ANKRD54: variants seen among roughly 807,000 people sequenced by gnomAD.
ANKRD54 encodes ankyrin repeat domain 54, also known as ankyrin repeat domain-containing protein 54.
A neutral mutation model predicts 36.2 loss-of-function variants in ANKRD54; 26 were observed. That is an observed-to-expected ratio of 0.72 (90% CI 0.53 to 1.00). ANKRD54 has a LOEUF of 1.00. ANKRD54 is among the 50% of genes least tolerant of loss of function. The pLI is 0.00. For missense variants in ANKRD54, 384 were observed against 424.3 expected (o/e 0.91, Z 0.83); for synonymous variants, 209 against 188.4 (o/e 1.11, Z -0.89).
At position 37,843,977 on chromosome 22, in the gene ANKRD54, C is replaced by T. The variant is rs868481555; in HGVS notation, c.262G>A (p.Ala88Thr). Residue 88 changes from alanine (A) to threonine (T), a missense_variant, in exon 1 of 8, where the codon GCT becomes ACT. Physicochemically the swap from Ala to Thr is moderately conservative, Grantham distance 58 (BLOSUM62 0). Around this residue, in one of 3 missense-constraint regions of ANKRD54, gnomAD observed 195 missense variants for 177.7 expected, o/e 1.10. Transcript: ENST00000215941. ...PRDELRCKIP[A>T]GRLRRAARPH... Reference sequence around the variant, plus strand: ...CTGGCAGCGCGCCTCAGCCGGCCAGCGGGTATCTTGCAGCGCAGCTCGTCG... The same window carrying T: ...CTGGCAGCGCGCCTCAGCCGGCCAGTGGGTATCTTGCAGCGCAGCTCGTCG... 4 of 1,417,842 alleles carry T rather than the reference C, an allele frequency of 2.8e-6. No individual in the cohort carries two copies. In the African/African-American group the frequency reaches 4.5e-5, roughly 16 times the overall value. 87.8% of individuals were successfully genotyped at this position (1,417,842 alleles called of 1,614,324 possible).
Position 37,833,066 on chromosome 22 carries a change from G to A in ANKRD54, c.612C>T (p.Ala204=). 6.2e-7 allele frequency: 1 copy of A among 1,614,082 alleles called. No individual in the cohort carries two copies. The highest frequency in any genetic ancestry group is 1.1e-5 in the South Asian group (1 of 91,074). Reference sequence around the variant, plus strand: ...GGGGTGTGCGACCAGCTCGGTCCAGGGCATCTACACGGGCCCCTGCAGGTA... The same window carrying A: ...GGGGTGTGCGACCAGCTCGGTCCAGAGCATCTACACGGGCCCCTGCAGGTA... ...TLLRGGARVD[A]LDRAGRTPLH... is the part of the protein sequence containing the mutation. The change falls in exon 6 of 8, where the codon GCC becomes GCT. Residue 204 remains alanine, a synonymous_variant. Coordinates refer to ENST00000215941, the MANE Select transcript of ANKRD54 (RefSeq NM_138797.4).
At chr22:37,832,573 G>A in intron 7 of ANKRD54, 64 bp downstream of exon 7, 2 of 1,469,254 alleles carry the variant, frequency 1.4e-6, no homozygotes, top group South Asian at 1.1e-5. Context: ...TGGCATCGGA[G>A]CAGGGTGGAC....
In ANKRD54 at chr22:37,837,771, G is replaced by A. The variant is rs148198311; in HGVS notation, c.475+729C>T. Among the ~76,000 whole-genome samples the A allele has an allele frequency of 4.7e-4, 71 of 152,256 alleles. No individual in the cohort carries two copies. The East Asian group carries it at 0.012, about 26-fold the overall frequency. The stretch of plus-strand genomic sequence containing the variant: ...TGGGAGGCCAAGGCAGGTGGATCAC[G>A]AGGTCAGGAGTTCAAGACCAGCCTG... On this transcript the variant is annotated intron_variant, in intron 3 of 7. Transcript: ENST00000215941.
chr22:37,839,418 C>T (rs1056089506), intron 2 of ANKRD54, among the ~76,000 whole-genome samples: 1 of 152,108 alleles, frequency 6.6e-6, no homozygotes, highest in African/African-American at 2.4e-5. Context: ...GACAGAATTT[C>T]GCTCTGTCGC....
chr22:37,838,368 C>G, intron 3 of ANKRD54, 132 bp downstream of exon 3: 1 of 842,536 alleles, frequency 1.2e-6, no homozygotes, highest in South Asian at 1.8e-5. Context: ...CAGGGCACTG[C>G]AGTGCCAAGT....
chr22:37,845,764 G>A (rs1211301501), upstream of ANKRD54, among the ~76,000 whole-genome samples: 1 of 152,206 alleles, frequency 6.6e-6, no homozygotes, highest in Non-Finnish European at 1.5e-5. Flanking sequence ...AGCTATTCAG[G>A]ACACTGAGGC....
intron 3 of ANKRD54, among the ~76,000 whole-genome samples, chr22:37,837,158 GGCAGGGAC>G (rs1056699724): frequency 6.6e-6 from 1 of 152,138 alleles, no homozygotes; most frequent in African/African-American, 2.4e-5. Flanking sequence ...AGCAAGCACT[GGCAGGGAC>G]GTAGGGAAAG....
At chr22:37,836,691 C>T (rs562942459) in intron 3 of ANKRD54, among the ~76,000 whole-genome samples, 1 of 151,324 alleles carries the variant, frequency 6.6e-6, no homozygotes, top group South Asian at 2.1e-4. Context: ...ACCTATGTAA[C>T]GAACCTGCAC....
At chr22:37,842,484 T>C (rs887093727) in intron 1 of ANKRD54, among the ~76,000 whole-genome samples, 12 of 152,220 alleles carry the variant, frequency 7.9e-5, no homozygotes, top group Admixed American at 7.2e-4. Context: ...CCCGAGTTAT[T>C]GCAAATGATT....
chr22:37,844,696 A>T (rs1256458092), upstream of ANKRD54, among the ~76,000 whole-genome samples: 1 of 151,966 alleles, frequency 6.6e-6, no homozygotes, highest in African/African-American at 2.4e-5. Flanking sequence ...CAGCCTCCCG[A>T]GTAGCTGGGA....
upstream of ANKRD54, among the ~76,000 whole-genome samples, chr22:37,845,831 G>A (rs1472001371): frequency 1.4e-5 from 2 of 147,110 alleles, no homozygotes; most frequent in African/African-American, 5.0e-5. Context: ...ATCGCACCAT[G>A]GCACTCCAGC....
chr22:37,836,565 G>C (rs1286507784), intron 3 of ANKRD54, among the ~76,000 whole-genome samples: 1 of 150,774 alleles, frequency 6.6e-6, no homozygotes, highest in East Asian at 1.9e-4. Context: ...ACCAGGGCCT[G>C]TCGGGGGGTG....
At position 37,831,808 on chromosome 22, in the gene ANKRD54, C is replaced by T. The variant is rs888819427; in HGVS notation, c.*135G>A. 24 of 823,544 alleles carry T rather than the reference C, an allele frequency of 2.9e-5. No homozygotes were observed. The highest frequency in any genetic ancestry group is 5.1e-5 in the African/African-American group (3 of 58,612). 51.0% of individuals were successfully genotyped at this position (823,544 alleles called of 1,614,324 possible). A position where few individuals can be genotyped will look rare whatever the true frequency, so the allele number is the denominator to read the frequency against. ...GTGGAGAGAGAGCATCTCTGCCCCA[C>T]GGCATCTGCGGGTGAGGGCAAGGTC... On this transcript the variant is annotated 3_prime_UTR_variant, in exon 8 of 8. Transcript: ENST00000215941.
At chr22:37,833,779 GA>G in intron 3 of ANKRD54, 24 bp from the exon 4 acceptor site, 3 of 1,611,684 alleles carry the variant, frequency 1.9e-6, no homozygotes, top group Non-Finnish European at 2.5e-6. Flanking sequence ...AACCCAAGAG[GA>G]GTTGTCGGAG....
chr22:37,841,658 GC>G (rs1429894664), intron 1 of ANKRD54, among the ~76,000 whole-genome samples: 1 of 151,846 alleles, frequency 6.6e-6, no homozygotes, highest in East Asian at 1.9e-4. Context: ...GACCAGCCTG[GC>G]CAATAAGGTG....
At position 37,841,854 on chromosome 22, in the gene ANKRD54, A is replaced by T. The variant is rs931669868; in HGVS notation, c.329-1620T>A. On this transcript the variant is annotated intron_variant, in intron 1 of 7. Transcript: ENST00000215941. ...TAGAGCAAGACTCTGTCTCAAAATAAATAAATAAATAAATAAATAAATAAA... is the reference window on the plus strand; with the variant it reads ...TAGAGCAAGACTCTGTCTCAAAATATATAAATAAATAAATAAATAAATAAA... 9.8e-5 allele frequency among the ~76,000 whole-genome samples: 5 copies of T among 50,872 alleles called. No individual in the cohort carries two copies. The African/African-American group carries it at 1.1e-3, about 12-fold the overall frequency. 33.4% of individuals were successfully genotyped at this position (50,872 alleles called of 152,430 possible).
intron 1 of ANKRD54, among the ~76,000 whole-genome samples, chr22:37,840,513 C>T (rs919550809): frequency 5.9e-5 from 9 of 151,944 alleles, no homozygotes; most frequent in Non-Finnish European, 8.8e-5. Flanking sequence ...GAGCAGAGAT[C>T]GCGCCACTGC....
upstream of ANKRD54, among the ~76,000 whole-genome samples, chr22:37,847,079 T>C (rs1924878420): frequency 6.6e-6 from 1 of 150,962 alleles, no homozygotes; most frequent in African/African-American, 2.4e-5. Flanking sequence ...GGTCTCGATC[T>C]CCTGACCTCA....
intron 3 of ANKRD54, among the ~76,000 whole-genome samples, chr22:37,836,431 G>C (rs1923544536): frequency 1.1e-5 from 1 of 93,062 alleles, no homozygotes. Flanking sequence ...GGGCAACAAA[G>C]AGTGAAACTC....
Sources: allele counts gnomAD v4.1 joint callset (sites outside exome capture counted in the v4.1 genomes callset), GRCh38; gene constraint gnomAD v4.1.1; regional missense constraint gnomAD v4.1.1; transcripts MANE v1.5; gene names NCBI Gene and HGNC (gene_info 2026-07-23, HGNC 2026-07-21).